SPECC1L: variants seen among roughly 807,000 people sequenced by gnomAD.
The protein encoded by SPECC1L is cytospin-A.
Under a neutral mutation model 116.8 loss-of-function variants are expected in SPECC1L, and 40 were observed. That is an observed-to-expected ratio of 0.34 (90% CI 0.27 to 0.45). SPECC1L has a LOEUF of 0.45. Among genes scored for constraint, SPECC1L ranks in the 20% least tolerant of loss-of-function variants. SPECC1L has a pLI of 1.00. For synonymous variants in SPECC1L, 504 were observed against 500.6 expected, an observed-to-expected ratio of 1.01 and a Z score of -0.09; for missense variants, 1,110 against 1,373.6, an observed-to-expected ratio of 0.81 and a Z score of 3.03.
At chr22:24,285,640 G>GTTGTT (rs55763114) in intron 2 of SPECC1L, among the ~76,000 whole-genome samples, 4,518 of 150,316 alleles carry the variant, frequency 0.03, 151 homozygotes, top group South Asian at 0.14. Flanking sequence ...TTTTTTTTTT[G>GTTGTT]TTGTTTTGTT....
At chr22:24,315,775 A>C (rs2040550626) in intron 4 of SPECC1L, among the ~76,000 whole-genome samples, 1 of 152,186 alleles carries the variant, frequency 6.6e-6, no homozygotes, top group African/African-American at 2.4e-5. Context: ...AAGCCACAGA[A>C]ATTTATTTTC....
At chr22:24,353,504 G>A (rs1199007028) in intron 11 of SPECC1L, among the ~76,000 whole-genome samples, 1 of 151,984 alleles carries the variant, frequency 6.6e-6, no homozygotes, top group Non-Finnish European at 1.5e-5. Context: ...CGCCTCCTGG[G>A]TTCAACTCTC....
intron 1 of SPECC1L, among the ~76,000 whole-genome samples, chr22:24,271,963 G>A (rs1427541326): frequency 6.6e-6 from 1 of 152,252 alleles, no homozygotes; most frequent in East Asian, 1.9e-4. Context: ...ATCTTGAGAT[G>A]AAATCAGAGC....
chr22:24,374,024 C>G (rs1331789867), intron 14 of SPECC1L, among the ~76,000 whole-genome samples: 1 of 152,092 alleles, frequency 6.6e-6, no homozygotes, highest in Non-Finnish European at 1.5e-5. Flanking sequence ...TGAAAAAATG[C>G]TCATTATCAC....
chr22:24,299,919 T>C (rs1429579987), intron 2 of SPECC1L, among the ~76,000 whole-genome samples: 3 of 152,242 alleles, frequency 2.0e-5, no homozygotes, highest in Non-Finnish European at 2.9e-5. Context: ...CAATCACTTA[T>C]ATTCTTTTTA....
rs145671496 is a variant in SPECC1L at position 24,393,830 on chromosome 22, G to A, written c.3088-17758G>A. Among the ~76,000 whole-genome samples, 448 of 152,054 alleles carry A rather than the reference G, an allele frequency of 2.9e-3. 5 individuals carry two copies. Among genetic ancestry groups the A allele is most frequent in the Middle Eastern group, 0.01 (3 of 294 alleles). ...TTTCCTCGTGCCCCTTTGTACTGCC[G>A]TCATCCTGCTTCTCCCCCACATTTC... is the stretch of plus-strand genomic sequence containing the variant. On this transcript the variant is annotated intron_variant, in intron 14 of 16. Coordinates refer to ENST00000314328, the MANE Select transcript of SPECC1L (RefSeq NM_015330.6).
chr22:24,384,734 G>A (rs1355699091), intron 14 of SPECC1L, among the ~76,000 whole-genome samples: 1 of 152,170 alleles, frequency 6.6e-6, no homozygotes, highest in African/African-American at 2.4e-5. Context: ...GAGATGTGCT[G>A]TGATTATAAA....
At chr22:24,343,731 A>T (rs1031003861) in intron 10 of SPECC1L, 2 of 163,448 alleles carry the variant, frequency 1.2e-5, no homozygotes, top group African/African-American at 4.8e-5. Flanking sequence ...AAAGTGAGCC[A>T]CTGTGCCCAG....
chr22:24,387,523 G>T (rs540337458), intron 14 of SPECC1L, among the ~76,000 whole-genome samples: 2 of 152,080 alleles, frequency 1.3e-5, no homozygotes, highest in Non-Finnish European at 2.9e-5. Flanking sequence ...TGTATATTGA[G>T]CAAAAATTAA....
Position 24,365,480 on chromosome 22 carries a change from T to C in SPECC1L, c.2832T>C (p.Ser944=). 6.2e-7 allele frequency: 1 copy of C among 1,614,058 alleles called. No individual in the cohort carries two copies. The highest frequency in any genetic ancestry group is 8.5e-7 in the Non-Finnish European group (1 of 1,179,980). ...AMESAKTLSV[S]RRSSEEVKRD... The stretch of plus-strand genomic sequence containing the variant: ...CATAATGACTATTTCTCACAGTGTC[T>C]CGACGAAGTAGTGAAGAAGTGAAAC... Residue 944 remains serine (S), a synonymous_variant, in exon 13 of 17, where the codon TCT becomes TCC. Transcript: ENST00000314328.
chr22:24,403,676 A>G (rs2042526551), intron 14 of SPECC1L, among the ~76,000 whole-genome samples: 1 of 152,242 alleles, frequency 6.6e-6, no homozygotes, highest in South Asian at 2.1e-4. Flanking sequence ...CCCCTGGAAG[A>G]TAAGGACTTT....
In SPECC1L at chr22:24,322,121, C is replaced by T. The variant is rs764710331; in HGVS notation, c.1141C>T (p.Arg381Trp). Residue 381 changes from arginine to tryptophan, a missense_variant, in exon 5 of 17, where the codon CGG becomes TGG. Around this residue, in one of 4 missense-constraint regions of SPECC1L, gnomAD observed 437 missense variants for 482.6 expected, o/e 0.91. Transcript: ENST00000314328. ...SEGIPSIERS[R>W]KGSSGNASEV... is the part of the protein sequence containing the mutation. ...AGGCATCCCCAGCATAGAGCGCTCC[C>T]GGAAGGGGAGCAGCGGGAATGCCAG... is the stretch of plus-strand genomic sequence containing the variant. The T allele has an allele frequency of 2.5e-6, 4 of 1,613,916 alleles. No homozygotes were observed. The highest frequency in any genetic ancestry group is 2.2e-5 in the East Asian group (1 of 44,898).
chr22:24,324,125 T>G (rs553800098), intron 5 of SPECC1L, 95 bp from the exon 6 acceptor site: 2 of 1,019,556 alleles, frequency 2.0e-6, no homozygotes, highest in South Asian at 2.6e-5. Context: ...TGCCTCATAC[T>G]TAGCTCCCCT....
At chr22:24,408,695 A>G (rs2042637625) in intron 14 of SPECC1L, among the ~76,000 whole-genome samples, 1 of 152,266 alleles carries the variant, frequency 6.6e-6, no homozygotes, top group Non-Finnish European at 1.5e-5. Flanking sequence ...AGCTGGAAGC[A>G]GCAGATGTTC....
chr22:24,327,385 G>A (rs1015835363), intron 6 of SPECC1L, among the ~76,000 whole-genome samples: 1 of 151,832 alleles, frequency 6.6e-6, no homozygotes, highest in African/African-American at 2.4e-5. Context: ...GTGGAACAGG[G>A]GTAAAGAAGA....
At chr22:24,301,115 A>T (rs1490448927) in intron 2 of SPECC1L, among the ~76,000 whole-genome samples, 3 of 152,212 alleles carry the variant, frequency 2.0e-5, no homozygotes, top group African/African-American at 7.2e-5. Context: ...AAATTGACAA[A>T]TGGGATCTAA....
At chr22:24,281,020 A>G (rs2048932709) in intron 2 of SPECC1L, among the ~76,000 whole-genome samples, 1 of 152,212 alleles carries the variant, frequency 6.6e-6, no homozygotes, top group Non-Finnish European at 1.5e-5. Context: ...TTACAGAGGA[A>G]CAGGAAGCAG....
intron 2 of SPECC1L, among the ~76,000 whole-genome samples, chr22:24,286,715 T>G (rs951311875): frequency 1.3e-5 from 2 of 152,046 alleles, no homozygotes; most frequent in African/African-American, 4.8e-5. Context: ...CTAGTAAGAG[T>G]TAGGATTTAC....
At chr22:24,384,753 T>A (rs2042127566) in intron 14 of SPECC1L, among the ~76,000 whole-genome samples, 1 of 152,142 alleles carries the variant, frequency 6.6e-6, no homozygotes, top group South Asian at 2.1e-4. Context: ...AAACACCAGA[T>A]TTTGAAGACT....
Sources: gnomAD v4.1 joint callset for allele counts (sites outside exome capture counted in the v4.1 genomes callset) on GRCh38, gnomAD v4.1.1 for gene constraint, gnomAD v4.1.1 regional missense constraint, MANE v1.5 for transcripts, NCBI Gene and HGNC (gene_info 2026-07-23, HGNC 2026-07-21) for gene names.